CECR2: variants seen among roughly 807,000 people sequenced by gnomAD.
CECR2 encodes CECR2 histone acetyl-lysine reader.
In CECR2, 30 loss-of-function variants were observed where a neutral mutation model predicts 154.5. The observed-to-expected ratio is 0.19, with a 90% CI of 0.15 to 0.26. CECR2 has a LOEUF of 0.26. CECR2 is among the 10% of genes least tolerant of loss of function. The probability of loss-of-function intolerance (pLI) is 1.00; values close to 1 mark genes in which losing one functional copy is unlikely to be tolerated. For synonymous variants in CECR2, 725 were observed against 683.7 expected (o/e 1.06, Z -0.94); for missense variants, 1,743 against 1,829.3 (o/e 0.95, Z 0.86).
At position 17,525,621 on chromosome 22, in the gene CECR2, C is replaced by G. The variant is rs60691766; in HGVS notation, c.1108+1350C>G. Reference sequence around the variant, plus strand: ...ACTCTGTCTCAATAAAAAAAACAACCCTTAGTGCATATAATCTACAGGTTT... The same window carrying G: ...ACTCTGTCTCAATAAAAAAAACAACGCTTAGTGCATATAATCTACAGGTTT... On this transcript the variant is annotated intron_variant, in intron 9 of 18. Transcript: ENST00000262608. Among the ~76,000 whole-genome samples, 599 of 152,236 alleles carry G rather than the reference C, an allele frequency of 3.9e-3. 13 individuals are homozygous for G. Among genetic ancestry groups the G allele is most frequent in the East Asian group, 0.03 (153 of 5,178 alleles).
At chr22:17,397,883 T>A (rs2146525690) in intron 1 of CECR2, among the ~76,000 whole-genome samples, 1 of 152,282 alleles carries the variant, frequency 6.6e-6, no homozygotes, top group South Asian at 2.1e-4. Context: ...AGATGATGCT[T>A]AGTATTGTTT....
intron 1 of CECR2, among the ~76,000 whole-genome samples, chr22:17,464,445 G>A (rs2054993204): frequency 9.4e-6 from 1 of 106,168 alleles, no homozygotes; most frequent in Non-Finnish European, 2.6e-5. Context: ...GTTAATATTG[G>A]CAGCTACCAA....
At position 17,556,664 on chromosome 22, in the gene CECR2, G is replaced by A. The variant is rs2056775144; in HGVS notation, c.*3824G>A. ...GCCTAATCCTATAGTCACAAGGTAAGGACAGTTGAGTAGTGTAAGAACCCC... is the reference window on the plus strand; with the variant it reads ...GCCTAATCCTATAGTCACAAGGTAAAGACAGTTGAGTAGTGTAAGAACCCC... On this transcript the variant is annotated 3_prime_UTR_variant, in exon 19 of 19. Transcript: ENST00000262608. 2 of 152,150 alleles carry A rather than the reference G, an allele frequency of 1.3e-5. No individual in the cohort carries two copies. The highest frequency in any genetic ancestry group is 2.4e-5 in the African/African-American group (1 of 41,404). 9.4% of individuals were successfully genotyped at this position (152,150 alleles called of 1,614,324 possible). A position where few individuals can be genotyped will look rare whatever the true frequency, so the allele number is the denominator to read the frequency against.
At chr22:17,517,897 C>G (rs538924890) in intron 8 of CECR2, among the ~76,000 whole-genome samples, 102 of 152,328 alleles carry the variant, frequency 6.7e-4, no homozygotes, top group African/African-American at 2.4e-3. Flanking sequence ...ATATTTAAAA[C>G]AATAGGAAGC....
intron 1 of CECR2, among the ~76,000 whole-genome samples, chr22:17,457,119 G>A (rs928970327): frequency 3.9e-5 from 6 of 152,168 alleles, no homozygotes; most frequent in Non-Finnish European, 7.3e-5. Flanking sequence ...CTCCGCCCCC[G>A]CGGGTTCAAG....
intron 2 of CECR2, among the ~76,000 whole-genome samples, chr22:17,479,556 G>A (rs1278159987): frequency 2.0e-5 from 3 of 151,166 alleles, no homozygotes; most frequent in Non-Finnish European, 3.0e-5. Context: ...TCTCTCATAG[G>A]ATATTCCTCC....
intron 1 of CECR2, among the ~76,000 whole-genome samples, chr22:17,470,409 GAAA>G (rs1380771306): frequency 8.0e-6 from 1 of 125,042 alleles, no homozygotes; most frequent in Non-Finnish European, 1.7e-5. Context: ...AAAAAAAAAA[GAAA>G]AAAAAATTCT....
In CECR2 at chr22:17,556,283, G is replaced by A. The variant is rs1367849075; in HGVS notation, c.*3443G>A. ...AGAAGGCCTTCTCATGCTCCTCTTC[G>A]TTAGGCTTAGTGAAAACCTTAAGAC... is the stretch of plus-strand genomic sequence containing the variant. On this transcript the variant is annotated 3_prime_UTR_variant, in exon 19 of 19. Coordinates refer to ENST00000262608, the MANE Select transcript of CECR2 (RefSeq NM_001290047.2). 13 of 152,224 alleles carry A rather than the reference G, an allele frequency of 8.5e-5. No homozygotes were observed. The highest frequency in any genetic ancestry group is 2.1e-4 in the South Asian group (1 of 4,826). The allele number at this position is 152,224 out of a possible 1,614,324, so 9.4% of individuals were successfully genotyped here.
At chr22:17,443,976 C>T (rs930255665) in intron 1 of CECR2, among the ~76,000 whole-genome samples, 3 of 152,190 alleles carry the variant, frequency 2.0e-5, no homozygotes, top group Non-Finnish European at 1.5e-5. Context: ...AGATAGTTCA[C>T]CACCTTTTTT....
At chr22:17,437,244 C>T (rs1000902299) in intron 1 of CECR2, among the ~76,000 whole-genome samples, 3 of 152,112 alleles carry the variant, frequency 2.0e-5, no homozygotes, top group Non-Finnish European at 2.9e-5. Context: ...CCCCTCTGCT[C>T]CCAGACGTCT....
intron 8 of CECR2, among the ~76,000 whole-genome samples, chr22:17,523,059 C>A (rs1250291885): frequency 6.6e-6 from 1 of 151,648 alleles, no homozygotes; most frequent in African/African-American, 2.4e-5. Flanking sequence ...AATTTGGAGT[C>A]AAATGAGAAT....
At chr22:17,464,200 TTCA>T (rs2054989515) in intron 1 of CECR2, among the ~76,000 whole-genome samples, 1 of 152,224 alleles carries the variant, frequency 6.6e-6, no homozygotes, top group Admixed American at 6.5e-5. Flanking sequence ...AGTGAACTGC[TTCA>T]TCAGTTGAGA....
At chr22:17,500,007 C>T (rs908056323) in intron 4 of CECR2, among the ~76,000 whole-genome samples, 3 of 151,904 alleles carry the variant, frequency 2.0e-5, no homozygotes, top group East Asian at 1.9e-4. Context: ...GTCAGGAGAT[C>T]GAGACCATCC....
intron 1 of CECR2, among the ~76,000 whole-genome samples, chr22:17,412,624 A>G (rs1382983978): frequency 1.3e-5 from 2 of 152,166 alleles, no homozygotes; most frequent in East Asian, 3.9e-4. Context: ...AAGGTGGAGA[A>G]CCCTCTTTCC....
intron 9 of CECR2, among the ~76,000 whole-genome samples, chr22:17,533,044 G>A (rs1423947648): frequency 2.0e-5 from 3 of 151,780 alleles, no homozygotes; most frequent in African/African-American, 4.8e-5. Context: ...CCGGCCAGGC[G>A]CGGTGGCTCA....
chr22:17,482,115 C>CGAAAAAAAAAAA (rs2055333378), intron 2 of CECR2, among the ~76,000 whole-genome samples: 1 of 76,310 alleles, frequency 1.3e-5, no homozygotes, highest in African/African-American at 5.3e-5. Flanking sequence ...ACTCTGTCTC[C>CGAAAAAAAAAAA]AAAAAAAAAA....
intron 1 of CECR2, among the ~76,000 whole-genome samples, chr22:17,393,545 T>C (rs2053762340): frequency 6.6e-6 from 1 of 152,204 alleles, no homozygotes; most frequent in Non-Finnish European, 1.5e-5. Flanking sequence ...GAAGTGGAAT[T>C]GGTGGGTCAT....
At chr22:17,489,016 A>C (rs990151714) in intron 2 of CECR2, among the ~76,000 whole-genome samples, 1 of 152,182 alleles carries the variant, frequency 6.6e-6, no homozygotes, top group Non-Finnish European at 1.5e-5. Context: ...CAATGGTGCT[A>C]TCTCTGCTCA....
chr22:17,495,388 G>T, intron 2 of CECR2, among the ~76,000 whole-genome samples: 1 of 151,984 alleles, frequency 6.6e-6, no homozygotes, highest in East Asian at 1.9e-4. Flanking sequence ...GGCCAACGTG[G>T]TGAAACCCTG....
Sources: allele counts gnomAD v4.1 joint callset (sites outside exome capture counted in the v4.1 genomes callset), GRCh38; gene constraint gnomAD v4.1.1; transcripts MANE v1.5; gene names NCBI Gene and HGNC (gene_info 2026-07-23, HGNC 2026-07-21).